The following ROR2 variants were observed in gnomAD, a reference collection of about 807,000 sequenced individuals.
The protein encoded by ROR2 is tyrosine-protein kinase transmembrane receptor ROR2.
ROR2 carries 33 observed loss-of-function variants against 74.9 expected under a neutral mutation model. The ratio of observed to expected loss-of-function variants is 0.44; its 90% CI spans 0.33 to 0.59. The LOEUF (loss-of-function observed/expected upper bound fraction) is 0.59. Among genes scored for constraint, ROR2 ranks in the 20% least tolerant of loss-of-function variants. The pLI, the probability that ROR2 is intolerant of heterozygous loss-of-function variation, is 0.02. For missense variants in ROR2, 1,216 were observed against 1,313.8 expected (o/e 0.93, Z 1.15); for synonymous variants, 586 against 558.7 (o/e 1.05, Z -0.69).
intron 1 of ROR2, among the ~76,000 whole-genome samples, chr9:91,909,171 A>T (rs1042109354): frequency 6.6e-6 from 1 of 152,182 alleles, no homozygotes; most frequent in Non-Finnish European, 1.5e-5. Flanking sequence ...TCTGTCTGGG[A>T]TCTCATAGCA....
intron 7 of ROR2, among the ~76,000 whole-genome samples, chr9:91,730,533 T>C (rs1379385484): frequency 1.3e-5 from 2 of 152,216 alleles, no homozygotes; most frequent in African/African-American, 4.8e-5. Flanking sequence ...CAATCTTGGC[T>C]CACTGCAACC....
At chr9:91,820,162 G>A (rs1036555871) in intron 1 of ROR2, among the ~76,000 whole-genome samples, 2 of 152,078 alleles carry the variant, frequency 1.3e-5, no homozygotes, top group Non-Finnish European at 2.9e-5. Context: ...TTTATTACAT[G>A]TCCATGTTTG....
At chr9:91,904,642 C>G (rs961211803) in intron 1 of ROR2, among the ~76,000 whole-genome samples, 2 of 152,104 alleles carry the variant, frequency 1.3e-5, no homozygotes, top group Admixed American at 6.5e-5. Flanking sequence ...AGGAGGGCAC[C>G]CAGTGGCAGG....
intron 2 of ROR2, among the ~76,000 whole-genome samples, chr9:91,774,873 C>A (rs1826365492): frequency 6.6e-6 from 1 of 152,180 alleles, no homozygotes; most frequent in Non-Finnish European, 1.5e-5. Context: ...AACTTTAAGA[C>A]CAGAAGGGTC....
intron 2 of ROR2, among the ~76,000 whole-genome samples, chr9:91,762,032 A>G (rs1267888843): frequency 2.0e-5 from 3 of 152,186 alleles, no homozygotes; most frequent in Admixed American, 6.5e-5. Context: ...TTGTTGTCTC[A>G]GTGATTGGCT....
intron 1 of ROR2, among the ~76,000 whole-genome samples, chr9:91,902,962 G>C (rs1195305853): frequency 6.6e-6 from 1 of 152,062 alleles, no homozygotes; most frequent in East Asian, 1.9e-4. Flanking sequence ...GGAGGAGATG[G>C]GGGAGGCATT....
In ROR2 at chr9:91,737,487, G is replaced by A; in HGVS notation, c.526C>T (p.Pro176Ser). 6.2e-7 allele frequency: 1 copy of A among 1,614,160 alleles called. No individual in the cohort carries two copies. Among genetic ancestry groups the A allele is most frequent in the African/African-American group, 1.3e-5 (1 of 75,028 alleles). ...CGTGCACAGGCAATTCCCCGGTAAG[G>A]CTGGCAGAACCCATCCTCGTGGTAA... ...DDYHEDGFCQ[P>S]YRGIACARFI... The change falls in exon 5 of 9, where the codon CCT becomes TCT. Residue 176 changes from proline to serine, a missense_variant. Transcript: ENST00000375708.
chr9:91,850,291 G>A (rs968850516), intron 1 of ROR2, among the ~76,000 whole-genome samples: 13 of 152,334 alleles, frequency 8.5e-5, no homozygotes, highest in Admixed American at 7.8e-4. Context: ...GTGGAAGACA[G>A]AGTAAGGATC....
At chr9:91,874,255 C>G (rs1829890691) in intron 1 of ROR2, among the ~76,000 whole-genome samples, 1 of 152,232 alleles carries the variant, frequency 6.6e-6, no homozygotes, top group African/African-American at 2.4e-5. Context: ...GTGGCGGCCA[C>G]TTGGCCACCT....
intron 1 of ROR2, among the ~76,000 whole-genome samples, chr9:91,814,833 T>A (rs1451702195): frequency 1.3e-5 from 2 of 152,202 alleles, no homozygotes; most frequent in Non-Finnish European, 2.9e-5. Flanking sequence ...GGCTGGACGA[T>A]GGGCCCATGG....
chr9:91,886,345 A>G (rs1268033642), intron 1 of ROR2, among the ~76,000 whole-genome samples: 1 of 152,138 alleles, frequency 6.6e-6, no homozygotes, highest in Non-Finnish European at 1.5e-5. Context: ...CGCCATTTCC[A>G]GGGTGCAGAG....
Position 91,863,446 on chromosome 9 carries a change from C to T in ROR2, c.97+86421G>A, listed in dbSNP as rs149601882. Among the ~76,000 whole-genome samples the T allele has an allele frequency of 2.8e-3, 430 of 152,094 alleles. 4 individuals carry two copies. The highest frequency in any genetic ancestry group is 9.3e-3 in the African/African-American group (385 of 41,456). On this transcript the variant is annotated intron_variant, in intron 1 of 8. Coordinates refer to ENST00000375708, the MANE Select transcript of ROR2 (RefSeq NM_004560.4). ...ATAATAGCCAAAAAGTAAAAACATC[C>T]CCACTGTCTATAGATAGATAGATAG... is the stretch of plus-strand genomic sequence containing the variant.
At chr9:91,904,137 T>C (rs1830750653) in intron 1 of ROR2, among the ~76,000 whole-genome samples, 2 of 151,666 alleles carry the variant, frequency 1.3e-5, no homozygotes, top group African/African-American at 2.4e-5. Flanking sequence ...ACCTCCCAGG[T>C]TCAGGCAATT....
chr9:91,748,532 A>G (rs1480387764), intron 4 of ROR2, among the ~76,000 whole-genome samples: 1 of 152,262 alleles, frequency 6.6e-6, no homozygotes, highest in Non-Finnish European at 1.5e-5. Flanking sequence ...TCAGGAAAAA[A>G]TAATGAAAAA....
chr9:91,941,708 T>C (rs1451912176), intron 1 of ROR2, among the ~76,000 whole-genome samples: 1 of 152,156 alleles, frequency 6.6e-6, no homozygotes, highest in African/African-American at 2.4e-5. Flanking sequence ...TTGTACTGTC[T>C]TCTCTACCTA....
At chr9:91,817,978 C>T (rs747524132) in intron 1 of ROR2, among the ~76,000 whole-genome samples, 3 of 152,138 alleles carry the variant, frequency 2.0e-5, no homozygotes, top group Non-Finnish European at 2.9e-5. Context: ...CGCTCTGGTC[C>T]GCAATGCAAC....
In ROR2 at chr9:91,723,347, C is replaced by A. The variant is rs1257568776; in HGVS notation, c.*315G>T. 1 of 358,786 alleles carries A rather than the reference C, an allele frequency of 2.8e-6. No homozygotes were observed. 22.2% of individuals were successfully genotyped at this position (358,786 alleles called of 1,614,324 possible). A position where few individuals can be genotyped will look rare whatever the true frequency, so the allele number is the denominator to read the frequency against. ...ATGGAGTGAAGCTGCCACCTATTTTCTTGAAAGGCATTTGCTGCTCACTAC... is the reference window on the plus strand; with the variant it reads ...ATGGAGTGAAGCTGCCACCTATTTTATTGAAAGGCATTTGCTGCTCACTAC... On this transcript the variant is annotated 3_prime_UTR_variant, in exon 9 of 9. Coordinates refer to ENST00000375708, the MANE Select transcript of ROR2 (RefSeq NM_004560.4).
intron 1 of ROR2, among the ~76,000 whole-genome samples, chr9:91,894,907 T>C (rs1372308101): frequency 2.0e-5 from 3 of 152,216 alleles, no homozygotes; most frequent in African/African-American, 7.2e-5. Context: ...TCTTACCCTA[T>C]GTTCTAGCAA....
At chr9:91,937,374 G>A (rs533142884) in intron 1 of ROR2, among the ~76,000 whole-genome samples, 1 of 152,198 alleles carries the variant, frequency 6.6e-6, no homozygotes, top group Admixed American at 6.5e-5. Flanking sequence ...CCCAGAGGAT[G>A]AGGCGAGTTT....
Sources: allele counts gnomAD v4.1 joint callset (sites outside exome capture counted in the v4.1 genomes callset), GRCh38; gene constraint gnomAD v4.1.1; transcripts MANE v1.5; gene names NCBI Gene and HGNC (gene_info 2026-07-23, HGNC 2026-07-21).